The following DOCK3 variants were observed in gnomAD, a reference collection of about 807,000 sequenced individuals.
The protein encoded by DOCK3 is dedicator of cytokinesis 3.
In DOCK3, 60 loss-of-function variants were observed where a neutral mutation model predicts 265.6. The ratio of observed to expected loss-of-function variants is 0.23; its 90% CI spans 0.18 to 0.28. The LOEUF is 0.28. Among genes scored for constraint, DOCK3 ranks in the 10% least tolerant of loss-of-function variants. The pLI, the probability that DOCK3 is intolerant of heterozygous loss-of-function variation, is 1.00. For missense variants in DOCK3, 1,981 were observed against 2,594.3 expected, an observed-to-expected ratio of 0.76 and a Z score of 5.14; for synonymous variants, 881 against 938.0, an observed-to-expected ratio of 0.94 and a Z score of 1.11.
At chr3:51,200,496 A>G (rs1458598577) in intron 12 of DOCK3, among the ~76,000 whole-genome samples, 3 of 139,770 alleles carry the variant, frequency 2.1e-5, no homozygotes, top group African/African-American at 5.5e-5. Flanking sequence ...GAAACAAACA[A>G]AGCCTCCAAG....
chr3:50,731,599 CAAAAT>C (rs3066887), intron 1 of DOCK3, among the ~76,000 whole-genome samples: 129,718 of 151,630 alleles, frequency 0.86, 55,770 homozygotes, highest in East Asian at 0.95. Flanking sequence ...TCACCATTAA[CAAAAT>C]AAAAGAGAAG....
intron 1 of DOCK3, among the ~76,000 whole-genome samples, chr3:50,765,930 A>G (rs1310830323): frequency 6.6e-6 from 1 of 151,502 alleles, no homozygotes; most frequent in Non-Finnish European, 1.5e-5. Flanking sequence ...AACCACCCCC[A>G]GCCCCTGCCC....
chr3:50,810,429 T>C (rs1206385097), intron 2 of DOCK3, among the ~76,000 whole-genome samples: 1 of 151,980 alleles, frequency 6.6e-6, no homozygotes, highest in Non-Finnish European at 1.5e-5. Flanking sequence ...TGGGCACCTG[T>C]AATCCCGGCT....
chr3:51,161,398 CAT>C (rs2086131509), intron 12 of DOCK3, among the ~76,000 whole-genome samples: 2 of 150,022 alleles, frequency 1.3e-5, no homozygotes, highest in African/African-American at 4.9e-5. Context: ...GAGCTGAGAT[CAT>C]GCCACTGCAC....
chr3:51,007,993 G>A (rs1229627811), intron 5 of DOCK3, among the ~76,000 whole-genome samples: 2 of 152,024 alleles, frequency 1.3e-5, no homozygotes, highest in Non-Finnish European at 2.9e-5. Flanking sequence ...CTCTTTTCTG[G>A]TACCAGTATC....
intron 12 of DOCK3, among the ~76,000 whole-genome samples, chr3:51,207,641 T>C (rs1007603652): frequency 3.3e-5 from 5 of 152,206 alleles, no homozygotes; most frequent in African/African-American, 1.2e-4. Context: ...CCTTTATCTC[T>C]GAGTGGCCTC....
chr3:50,942,969 A>G (rs2076334772), intron 5 of DOCK3, among the ~76,000 whole-genome samples: 1 of 152,044 alleles, frequency 6.6e-6, no homozygotes, highest in Non-Finnish European at 1.5e-5. Context: ...TATGTTGATT[A>G]TATGTGGAAA....
chr3:50,713,514 G>A (rs140366656), intron 1 of DOCK3, among the ~76,000 whole-genome samples: 100 of 152,192 alleles, frequency 6.6e-4, no homozygotes, highest in African/African-American at 2.4e-3. Context: ...TTTGTGTTAG[G>A]CATGGGCTGA....
At chr3:50,998,514 G>T (rs1051302044) in intron 5 of DOCK3, among the ~76,000 whole-genome samples, 2 of 152,152 alleles carry the variant, frequency 1.3e-5, no homozygotes, top group African/African-American at 2.4e-5. Context: ...ATAAAAAGAA[G>T]GTTAGTCTCT....
chr3:51,350,144 T>G (rs972413067), intron 39 of DOCK3, 144 bp from the exon 40 acceptor site: 84 of 658,670 alleles, frequency 1.3e-4, no homozygotes, highest in Middle Eastern at 2.9e-4. Flanking sequence ...GAGAGGCTGG[T>G]CATGTCTAGA....
intron 1 of DOCK3, among the ~76,000 whole-genome samples, chr3:50,695,443 T>C (rs938829064): frequency 1.8e-4 from 27 of 152,234 alleles, no homozygotes; most frequent in African/African-American, 6.0e-4. Flanking sequence ...CCAAATTTTA[T>C]ACCCCCTCCA....
chr3:51,259,425 G>C (rs1344262967), intron 22 of DOCK3, among the ~76,000 whole-genome samples: 1 of 152,086 alleles, frequency 6.6e-6, no homozygotes, highest in Non-Finnish European at 1.5e-5. Flanking sequence ...ATAGTATTGG[G>C]TCTTGAATTT....
At chr3:50,784,325 T>G (rs963176870) in intron 2 of DOCK3, among the ~76,000 whole-genome samples, 1 of 152,226 alleles carries the variant, frequency 6.6e-6, no homozygotes, top group Non-Finnish European at 1.5e-5. Flanking sequence ...GCTATAAGTA[T>G]TTGGGTTTAT....
intron 10 of DOCK3, among the ~76,000 whole-genome samples, chr3:51,147,554 A>G (rs1057216572): frequency 1.3e-5 from 2 of 152,078 alleles, no homozygotes; most frequent in African/African-American, 2.4e-5. Flanking sequence ...AGAGTTCTCA[A>G]TGTTCAAGTC....
intron 10 of DOCK3, among the ~76,000 whole-genome samples, chr3:51,151,463 T>C (rs2085591121): frequency 6.6e-6 from 1 of 152,206 alleles, no homozygotes; most frequent in African/African-American, 2.4e-5. Flanking sequence ...CAAAGGTAGA[T>C]AAAAACACCC....
At chr3:51,303,076 C>A (rs1016020738) in intron 27 of DOCK3, among the ~76,000 whole-genome samples, 4 of 152,000 alleles carry the variant, frequency 2.6e-5, no homozygotes, top group Admixed American at 2.6e-4. Context: ...TAGGTTCAGT[C>A]TTTTTACATA....
chr3:50,827,598 A>T (rs2044843014), intron 2 of DOCK3, among the ~76,000 whole-genome samples: 1 of 152,196 alleles, frequency 6.6e-6, no homozygotes, highest in Non-Finnish European at 1.5e-5. Context: ...TCTGTAGCAT[A>T]TATAAATATT....
At chr3:50,982,672 G>A (rs1435611325) in intron 5 of DOCK3, among the ~76,000 whole-genome samples, 2 of 152,214 alleles carry the variant, frequency 1.3e-5, no homozygotes, top group East Asian at 1.9e-4. Flanking sequence ...CGGAGCCAGC[G>A]GGAGCCAGGG....
At chr3:51,213,872 A>C (rs933883673) in intron 13 of DOCK3, among the ~76,000 whole-genome samples, 1 of 152,120 alleles carries the variant, frequency 6.6e-6, no homozygotes, top group Non-Finnish European at 1.5e-5. Flanking sequence ...GGGAAAGACA[A>C]CTCAATCTCC....
Sources: gnomAD v4.1 joint callset for allele counts (sites outside exome capture counted in the v4.1 genomes callset) on GRCh38, gnomAD v4.1.1 for gene constraint, MANE v1.5 for transcripts, NCBI Gene and HGNC (gene_info 2026-07-23, HGNC 2026-07-21) for gene names.